PTK2: variants seen among roughly 807,000 people sequenced by gnomAD.
PTK2 encodes the protein protein tyrosine kinase 2.
In PTK2, 45 loss-of-function variants were observed where a neutral mutation model predicts 150.1. The ratio of observed to expected loss-of-function variants is 0.30; its 90% CI spans 0.24 to 0.38. PTK2 has a LOEUF of 0.38. PTK2 is among the 10% of genes least tolerant of loss of function. PTK2 has a pLI of 1.00. For synonymous variants in PTK2, 432 were observed against 449.2 expected, an observed-to-expected ratio of 0.96 and a Z score of 0.48; for missense variants, 919 against 1,307.3, an observed-to-expected ratio of 0.70 and a Z score of 4.58.
chr8:140,940,917 C>CT (rs2067167925), intron 1 of PTK2, among the ~76,000 whole-genome samples: 1 of 152,016 alleles, frequency 6.6e-6, no homozygotes, highest in South Asian at 2.1e-4. Flanking sequence ...TTGCAGTGAG[C>CT]TGAGACCACA....
chr8:140,887,079 C>G (rs2100152580), intron 3 of PTK2, among the ~76,000 whole-genome samples: 1 of 152,110 alleles, frequency 6.6e-6, no homozygotes, highest in Non-Finnish European at 1.5e-5. Flanking sequence ...ATCATGGGAC[C>G]CTGAGCTGTT....
chr8:140,887,913 C>T (rs1348211720), intron 3 of PTK2, among the ~76,000 whole-genome samples: 1 of 152,108 alleles, frequency 6.6e-6, no homozygotes, highest in African/African-American at 2.4e-5. Context: ...CTGCACATGG[C>T]TACGATAATG....
At chr8:140,742,353 T>C (rs2100056233) in intron 20 of PTK2, among the ~76,000 whole-genome samples, 3 of 152,198 alleles carry the variant, frequency 2.0e-5, no homozygotes, top group South Asian at 2.1e-4. Context: ...CATTTGAGTA[T>C]GGTTTTGTGT....
intron 1 of PTK2, among the ~76,000 whole-genome samples, chr8:140,995,210 T>G (rs1009479698): frequency 1.1e-4 from 16 of 151,142 alleles, no homozygotes; most frequent in Admixed American, 9.2e-4. Context: ...GATGAAACCC[T>G]GTCTCAACTA....
intron 11 of PTK2, 108 bp downstream of exon 11, chr8:140,803,435 G>A: frequency 1.2e-6 from 1 of 833,232 alleles, no homozygotes; most frequent in Non-Finnish European, 2.0e-6. Flanking sequence ...AGAAAGTTGT[G>A]ATTCTGATGA....
At chr8:140,672,186 C>A (rs1332510107) in intron 29 of PTK2, 2 of 451,896 alleles carry the variant, frequency 4.4e-6, no homozygotes. Flanking sequence ...TCATTAATCT[C>A]ATTCTGTCCC....
intron 2 of PTK2, chr8:140,920,762 T>G (rs376396684): frequency 4.9e-5 from 67 of 1,366,860 alleles, no homozygotes; most frequent in East Asian, 4.7e-4. Context: ...ACCTTTTCGG[T>G]GCAAAAGCAT....
At chr8:140,792,769 T>C (rs952523111) in intron 13 of PTK2, among the ~76,000 whole-genome samples, 2 of 152,232 alleles carry the variant, frequency 1.3e-5, no homozygotes, top group Non-Finnish European at 2.9e-5. Flanking sequence ...CTTCAGTGTC[T>C]TGGAAAGTGT....
chr8:140,723,564 A>C (rs1301455759), intron 22 of PTK2, among the ~76,000 whole-genome samples: 1 of 152,240 alleles, frequency 6.6e-6, no homozygotes, highest in Non-Finnish European at 1.5e-5. Flanking sequence ...GAATGTGCAG[A>C]GTATCAAGGA....
At chr8:140,872,980 A>T (rs944267860) in intron 4 of PTK2, among the ~76,000 whole-genome samples, 1 of 152,204 alleles carries the variant, frequency 6.6e-6, no homozygotes, top group Non-Finnish European at 1.5e-5. Flanking sequence ...TCATATTGTT[A>T]CTTGTACCTG....
At chr8:140,959,084 A>C (rs1303135584) in intron 1 of PTK2, among the ~76,000 whole-genome samples, 4 of 152,192 alleles carry the variant, frequency 2.6e-5, no homozygotes, top group Non-Finnish European at 5.9e-5. Flanking sequence ...AAAACTATAC[A>C]AAAGCTAATC....
chr8:140,807,767 T>C (rs908207571), intron 10 of PTK2, among the ~76,000 whole-genome samples: 5 of 152,258 alleles, frequency 3.3e-5, no homozygotes, highest in African/African-American at 1.2e-4. Context: ...TTAAAATTAA[T>C]TGCACCTATC....
chr8:140,668,589 T>A, intron 29 of PTK2, 165 bp from the exon 34 acceptor site: 1 of 722,850 alleles, frequency 1.4e-6, no homozygotes, highest in Non-Finnish European at 2.1e-6. Context: ...GACAGTAAAG[T>A]AATTCCTCCA....
chr8:140,891,918 G>C (rs189751542), intron 2 of PTK2, among the ~76,000 whole-genome samples: 3 of 152,202 alleles, frequency 2.0e-5, no homozygotes, highest in Non-Finnish European at 2.9e-5. Context: ...CAGATCCATC[G>C]TGGCAGGCCA....
intron 10 of PTK2, among the ~76,000 whole-genome samples, chr8:140,809,616 G>C (rs1255247975): frequency 1.3e-5 from 2 of 152,088 alleles, no homozygotes; most frequent in African/African-American, 4.8e-5. Flanking sequence ...ACCAGCTTGG[G>C]CAACATGGCA....
chr8:140,918,950 C>A (rs138448593), intron 2 of PTK2, among the ~76,000 whole-genome samples: 45 of 152,198 alleles, frequency 3.0e-4, no homozygotes, highest in African/African-American at 1.0e-3. Context: ...TAAAAATTAA[C>A]CAGCATAACA....
At chr8:140,751,333 T>A (rs2100062528) in intron 17 of PTK2, among the ~76,000 whole-genome samples, 1 of 152,126 alleles carries the variant, frequency 6.6e-6, no homozygotes, top group Admixed American at 6.5e-5. Flanking sequence ...CATGCCCAGC[T>A]AATTTTTTTA....
intron 2 of PTK2, among the ~76,000 whole-genome samples, chr8:140,919,701 A>G (rs1013385987): frequency 1.3e-5 from 2 of 152,190 alleles, no homozygotes; most frequent in African/African-American, 4.8e-5. Context: ...ATGCTCAGAA[A>G]CTAAAATTTT....
At chr8:140,829,977 G>C (rs1004670789) in intron 8 of PTK2, among the ~76,000 whole-genome samples, 3 of 152,116 alleles carry the variant, frequency 2.0e-5, no homozygotes, top group African/African-American at 7.2e-5. Flanking sequence ...CTGGATATGG[G>C]AAGGATAAGA....
Sources: allele counts gnomAD v4.1 joint callset (sites outside exome capture counted in the v4.1 genomes callset), GRCh38; gene constraint gnomAD v4.1.1; transcripts MANE v1.5; gene names NCBI Gene and HGNC (gene_info 2026-07-23, HGNC 2026-07-21).